Variants in MMP26 observed in about 807,000 individuals in gnomAD.
The protein encoded by MMP26 is matrix metallopeptidase 26.
Under a neutral mutation model 31.0 loss-of-function variants are expected in MMP26, and 33 were observed. The ratio of observed to expected loss-of-function variants is 1.06; its 90% confidence interval spans 0.81 to 1.42. The LOEUF is 1.42. Among genes scored for constraint, MMP26 ranks in the 40% most tolerant of loss-of-function variants. The pLI, the probability that MMP26 is intolerant of heterozygous loss-of-function variation, is 0.00. For synonymous variants in MMP26, 122 were observed against 114.9 expected (o/e 1.06, Z -0.40); for missense variants, 347 against 316.1 (o/e 1.10, Z -0.74).
At chr11:4,931,177 G>A (rs1407140179) in intron 2 of MMP26, among the ~76,000 whole-genome samples, 4 of 152,052 alleles carry the variant, frequency 2.6e-5, no homozygotes, top group African/African-American at 9.7e-5. Context: ...GATATTCTAT[G>A]ACTGGATGAG....
intron 2 of MMP26, among the ~76,000 whole-genome samples, chr11:4,928,166 A>G (rs1851299652): frequency 6.6e-6 from 1 of 152,166 alleles, no homozygotes; most frequent in Non-Finnish European, 1.5e-5. Context: ...TGCTTTAAAA[A>G]AGGAATTTTT....
intron 2 of MMP26, among the ~76,000 whole-genome samples, chr11:4,983,328 G>A (rs1056377654): frequency 1.3e-5 from 2 of 152,028 alleles, no homozygotes; most frequent in East Asian, 1.9e-4. Flanking sequence ...ATGGTATTGC[G>A]GTGAAAGCAT....
chr11:4,817,483 A>C (rs1263900870), intron 2 of MMP26, among the ~76,000 whole-genome samples: 2 of 152,112 alleles, frequency 1.3e-5, no homozygotes, highest in Non-Finnish European at 2.9e-5. Context: ...GTTGCTAGGG[A>C]TGCTGAGGTG....
At chr11:4,807,645 C>T (rs1849290854) in intron 2 of MMP26, among the ~76,000 whole-genome samples, 1 of 151,840 alleles carries the variant, frequency 6.6e-6, no homozygotes, top group Admixed American at 6.6e-5. Flanking sequence ...GGAGGGATAG[C>T]ATTAGGAGAA....
At chr11:4,833,483 A>T (rs1849673539) in intron 2 of MMP26, among the ~76,000 whole-genome samples, 1 of 152,092 alleles carries the variant, frequency 6.6e-6, no homozygotes, top group Non-Finnish European at 1.5e-5. Flanking sequence ...TTTCATTGTG[A>T]TTTACATTAA....
chr11:4,769,109 G>C (rs975509626), intron 2 of MMP26: 1 of 1,600,760 alleles, frequency 6.2e-7, no homozygotes, highest in African/African-American at 1.3e-5. Flanking sequence ...TACTCTGGGG[G>C]CTGACCGACC....
intron 1 of MMP26, among the ~76,000 whole-genome samples, chr11:4,712,591 C>A (rs1405347628): frequency 6.6e-6 from 1 of 152,058 alleles, no homozygotes; most frequent in African/African-American, 2.4e-5. Flanking sequence ...GTTGGAGCAA[C>A]CACATTTTTG....
chr11:4,801,930 A>T (rs1849189430), intron 2 of MMP26, among the ~76,000 whole-genome samples: 1 of 152,042 alleles, frequency 6.6e-6, no homozygotes. Context: ...TTCATGAAGG[A>T]TCTGTCCCCA....
chr11:4,984,257 A>G (rs1330220091), intron 2 of MMP26, among the ~76,000 whole-genome samples: 2 of 152,126 alleles, frequency 1.3e-5, no homozygotes, highest in African/African-American at 2.4e-5. Context: ...TCTATACATA[A>G]CTTTGAGCAT....
intron 2 of MMP26, among the ~76,000 whole-genome samples, chr11:4,970,352 G>A (rs1281342666): frequency 6.6e-6 from 1 of 151,998 alleles, no homozygotes; most frequent in African/African-American, 2.4e-5. Context: ...CTACCTTTTA[G>A]GCAAGTGCCT....
chr11:4,963,958 G>T lies in MMP26; in HGVS notation c.-144-24110G>T, dbSNP rs1045356947. Among the ~76,000 whole-genome samples the T allele has an allele frequency of 5.0e-4, 76 of 152,064 alleles. 1 individual carries two copies. Among genetic ancestry groups the T allele is most frequent in the Admixed American group, 4.9e-3 (75 of 15,252 alleles). ...TGTCCTTTGACCACTTTTTAAGGGG[G>T]TTGATTTTTTTCTTGTAAATTTGTT... On this transcript the variant is annotated intron_variant, in intron 2 of 7. Transcript: ENST00000380390.
At chr11:4,902,841 A>G (rs1240614978) in intron 2 of MMP26, among the ~76,000 whole-genome samples, 1 of 152,026 alleles carries the variant, frequency 6.6e-6, no homozygotes, top group African/African-American at 2.4e-5. Flanking sequence ...ATCCCTGCTC[A>G]TTGTTTTAAA....
chr11:4,723,427 G>T, intron 1 of MMP26: 2 of 1,014,866 alleles, frequency 2.0e-6, no homozygotes, highest in Non-Finnish European at 3.1e-6. Flanking sequence ...CATGTCCAGG[G>T]AGCGGCTGCT....
chr11:4,966,407 C>A (rs867908573), intron 2 of MMP26, among the ~76,000 whole-genome samples: 2 of 152,066 alleles, frequency 1.3e-5, no homozygotes, highest in Non-Finnish European at 2.9e-5. Flanking sequence ...CAGGCATCAT[C>A]GGGGGAATGG....
intron 2 of MMP26, among the ~76,000 whole-genome samples, chr11:4,841,735 C>G (rs972644326): frequency 6.6e-6 from 1 of 152,108 alleles, no homozygotes; most frequent in African/African-American, 2.4e-5. Context: ...GAGTTCGAGA[C>G]CAGTCTGACC....
At chr11:4,849,307 G>A (rs1318164499) in intron 2 of MMP26, 3 of 1,306,550 alleles carry the variant, frequency 2.3e-6, no homozygotes, top group South Asian at 1.4e-5. Flanking sequence ...AAAATAGCCT[G>A]CATCTTCCCT....
chr11:4,957,510 T>A (rs1245940489), intron 2 of MMP26, among the ~76,000 whole-genome samples: 1 of 152,114 alleles, frequency 6.6e-6, no homozygotes, highest in Non-Finnish European at 1.5e-5. Flanking sequence ...TTTTTATTCC[T>A]TTCGTCCTTT....
At chr11:4,924,465 T>C in intron 2 of MMP26, 6 of 960,774 alleles carry the variant, frequency 6.2e-6, no homozygotes, top group Non-Finnish European at 9.3e-6. Context: ...GCAGATGGCA[T>C]AGGGGAGAAC....
chr11:4,934,190 A>G (rs1477100163), intron 2 of MMP26, among the ~76,000 whole-genome samples: 1 of 146,068 alleles, frequency 6.8e-6, no homozygotes, highest in African/African-American at 2.6e-5. Flanking sequence ...AGTCCCACCA[A>G]CAGTGTAAAA....
Sources: allele counts gnomAD v4.1 joint callset (sites outside exome capture counted in the v4.1 genomes callset), GRCh38; gene constraint gnomAD v4.1.1; transcripts MANE v1.5; gene names NCBI Gene and HGNC (gene_info 2026-07-23, HGNC 2026-07-21).